The following DAPP1 variants were observed in gnomAD, a reference collection of about 807,000 sequenced individuals.
The protein encoded by DAPP1 is dual adaptor of phosphotyrosine and 3-phosphoinositides 1.
Under a neutral mutation model 41.5 loss-of-function variants are expected in DAPP1, and 20 were observed. That is an observed-to-expected ratio of 0.48 (90% CI 0.34 to 0.70). DAPP1 has a LOEUF of 0.70. Ranked by LOEUF, DAPP1 falls within the 30% of genes least tolerant of loss-of-function variation. DAPP1 has a pLI of 0.01. For synonymous variants in DAPP1, 113 were observed against 116.2 expected, an observed-to-expected ratio of 0.97 and a Z score of 0.18; for missense variants, 233 against 333.4, an observed-to-expected ratio of 0.70 and a Z score of 2.35.
At chr4:99,829,978 T>G (rs778160219) in intron 1 of DAPP1, among the ~76,000 whole-genome samples, 1 of 152,238 alleles carries the variant, frequency 6.6e-6, no homozygotes, top group Non-Finnish European at 1.5e-5. Flanking sequence ...CTTTCTTTTT[T>G]GTAATTTTGC....
At chr4:99,866,978 C>G (rs767027806) in intron 8 of DAPP1, among the ~76,000 whole-genome samples, 6 of 151,984 alleles carry the variant, frequency 3.9e-5, no homozygotes, top group Admixed American at 3.9e-4. Flanking sequence ...CCATTTTGGC[C>G]AGGGTGGTCT....
chr4:99,851,446 T>C (rs4699767), intron 3 of DAPP1, among the ~76,000 whole-genome samples: 13,262 of 151,866 alleles, frequency 0.087, 624 homozygotes, highest in Non-Finnish European at 0.11. Flanking sequence ...GCACCTTATC[T>C]GGGCCCAAGT....
At chr4:99,842,468 C>A (rs1233378766) in intron 3 of DAPP1, among the ~76,000 whole-genome samples, 8 of 152,230 alleles carry the variant, frequency 5.3e-5, no homozygotes, top group Admixed American at 5.2e-4. Flanking sequence ...TGGCTTCCAG[C>A]CCTTGAGTTA....
intron 3 of DAPP1, among the ~76,000 whole-genome samples, chr4:99,848,054 C>T (rs1404615811): frequency 1.3e-5 from 2 of 151,628 alleles, no homozygotes; most frequent in East Asian, 1.9e-4. Context: ...CCTCATGATC[C>T]GCCCCCTCGG....
chr4:99,848,526 GC>G (rs1431023629), intron 3 of DAPP1, among the ~76,000 whole-genome samples: 1 of 152,166 alleles, frequency 6.6e-6, no homozygotes, highest in East Asian at 1.9e-4. Flanking sequence ...ACCGCGCCCT[GC>G]CCAGGAGCAG....
chr4:99,859,281 G>A (rs922253453), intron 4 of DAPP1, among the ~76,000 whole-genome samples: 1 of 151,982 alleles, frequency 6.6e-6, no homozygotes, highest in Non-Finnish European at 1.5e-5. Flanking sequence ...GACTTATCTT[G>A]TTCTTTCTTT....
intron 4 of DAPP1, among the ~76,000 whole-genome samples, chr4:99,860,274 T>TTGGG (rs1301811106): frequency 6.6e-6 from 1 of 152,220 alleles, no homozygotes; most frequent in African/African-American, 2.4e-5. Context: ...AGTACATTGT[T>TTGGG]TGGGTGGAGG....
intron 3 of DAPP1, among the ~76,000 whole-genome samples, chr4:99,843,985 G>T (rs1418252414): frequency 6.6e-6 from 1 of 152,210 alleles, no homozygotes; most frequent in Non-Finnish European, 1.5e-5. Flanking sequence ...AATTTGAAAT[G>T]ATATTTTGTG....
At chr4:99,830,580 C>G (rs1168398858) in intron 1 of DAPP1, among the ~76,000 whole-genome samples, 1 of 152,206 alleles carries the variant, frequency 6.6e-6, no homozygotes, top group Non-Finnish European at 1.5e-5. Context: ...TTCCCAACTG[C>G]TGTCCTTCAT....
At chr4:99,823,012 A>T (rs1722823495) in intron 1 of DAPP1, among the ~76,000 whole-genome samples, 1 of 152,188 alleles carries the variant, frequency 6.6e-6, no homozygotes, top group South Asian at 2.1e-4. Context: ...TTGTTTAAAA[A>T]TGTTTATAAC....
chr4:99,830,548 C>A (rs1429821250), intron 1 of DAPP1, among the ~76,000 whole-genome samples: 1 of 152,130 alleles, frequency 6.6e-6, no homozygotes, highest in Non-Finnish European at 1.5e-5. Context: ...GCCTCAATAT[C>A]CTCCACCTTC....
chr4:99,835,252 G>A (rs888645661), intron 1 of DAPP1, among the ~76,000 whole-genome samples: 8 of 151,936 alleles, frequency 5.3e-5, no homozygotes, highest in South Asian at 4.2e-4. Flanking sequence ...CAAGTGATCC[G>A]CCTGCCTTGG....
rs1316900852 is a variant in DAPP1 at position 99,835,652 on chromosome 4, C to T, written c.131C>T (p.Ala44Val). Residue 44 changes from alanine (A) to valine (V), a missense_variant, in exon 2 of 9, where the codon GCT becomes GTT. Physicochemically the swap from Ala to Val is moderately conservative, Grantham distance 64. Transcript: ENST00000512369. ...GWYHGNLTRH[A>V]AEALLLSNGC... ...TATCACGGCAACCTCACACGCCATG[C>T]TGCTGAAGCTCTTCTCCTCTCAAAT... is the stretch of plus-strand genomic sequence containing the variant. 1.9e-6 allele frequency: 3 copies of T among 1,613,740 alleles called. No homozygotes were observed.
intron 6 of DAPP1, among the ~76,000 whole-genome samples, chr4:99,863,497 G>A (rs1426638993): frequency 6.6e-6 from 1 of 152,044 alleles, no homozygotes; most frequent in African/African-American, 2.4e-5. Context: ...TTTAAAAAAT[G>A]AGAGAAAAAT....
intron 3 of DAPP1, among the ~76,000 whole-genome samples, chr4:99,849,071 T>A (rs1396778346): frequency 6.6e-6 from 1 of 152,208 alleles, no homozygotes; most frequent in Non-Finnish European, 1.5e-5. Flanking sequence ...GTTGCCGTTT[T>A]ATAAGTACTT....
intron 7 of DAPP1, chr4:99,864,987 A>G (rs989958439): frequency 4.6e-5 from 7 of 152,190 alleles, no homozygotes; most frequent in Admixed American, 2.0e-4. Flanking sequence ...TATCTGTATT[A>G]ATAGACAGTT....
chr4:99,851,622 C>T (rs945341175), intron 3 of DAPP1, among the ~76,000 whole-genome samples: 2 of 145,132 alleles, frequency 1.4e-5, no homozygotes, highest in Non-Finnish European at 3.0e-5. Context: ...CTCACCGCAA[C>T]CCCCGCCTCC....
At chr4:99,863,724 T>G (rs775230213) in intron 6 of DAPP1, 46 bp from the exon 7 acceptor site, 5 of 1,239,868 alleles carry the variant, frequency 4.0e-6, no homozygotes, top group East Asian at 2.5e-5. Flanking sequence ...GTCTGTTTTT[T>G]TTTTTTTTTT....
At chr4:99,850,327 T>A (rs1211598925) in intron 3 of DAPP1, among the ~76,000 whole-genome samples, 3 of 151,964 alleles carry the variant, frequency 2.0e-5, no homozygotes, top group African/African-American at 7.3e-5. Flanking sequence ...GGAGAATCGC[T>A]TGAACCTGGG....
Sources: allele counts gnomAD v4.1 joint callset (sites outside exome capture counted in the v4.1 genomes callset), GRCh38; gene constraint gnomAD v4.1.1; transcripts MANE v1.5; gene names NCBI Gene and HGNC (gene_info 2026-07-23, HGNC 2026-07-21).